Variants in CEP104 observed in about 807,000 individuals in gnomAD.
The protein encoded by CEP104 is centrosomal protein of 104 kDa.
In CEP104, 84 loss-of-function variants were observed where a neutral mutation model predicts 113.3. The ratio of observed to expected loss-of-function variants is 0.74; its 90% CI spans 0.62 to 0.89. The LOEUF (loss-of-function observed/expected upper bound fraction) is 0.89, where lower values mean the gene tolerates loss of function less well. Among genes scored for constraint, CEP104 ranks in the 40% least tolerant of loss-of-function variants. The pLI, the probability that CEP104 is intolerant of heterozygous loss-of-function variation, is 0.00. For missense variants in CEP104, 1,053 were observed against 1,156.6 expected, an observed-to-expected ratio of 0.91 and a Z score of 1.30; for synonymous variants, 378 against 421.7, an observed-to-expected ratio of 0.90 and a Z score of 1.27.
chr1:3,836,479 T>TTG lies in CEP104; in HGVS notation c.1317+15_1317+16insCA, dbSNP rs1553162958. The TTG allele has an allele frequency of 1.2e-5, 18 of 1,463,660 alleles. No individual in the cohort carries two copies. The highest frequency in any genetic ancestry group is 1.5e-5 in the Non-Finnish European group (17 of 1,112,894). The allele number at this position is 1,463,660 out of a possible 1,614,324, so 90.7% of individuals were successfully genotyped here. A position where few individuals can be genotyped will look rare whatever the true frequency, so the allele number is the denominator to read the frequency against. On this transcript the variant is annotated intron_variant, in intron 10 of 21. Coordinates refer to ENST00000378230, the MANE Select transcript of CEP104 (RefSeq NM_014704.4). ...CCCTCTGCCACCCCGTTTTTTTTTTTTTTTTTTTTTTTTACCAAGGTTTCT... is the reference window on the plus strand; with the variant it reads ...CCCTCTGCCACCCCGTTTTTTTTTTTTGTTTTTTTTTTTTTACCAAGGTTTCT...
At chr1:3,842,746 G>C (rs993095859) in intron 6 of CEP104, among the ~76,000 whole-genome samples, 1 of 152,224 alleles carries the variant, frequency 6.6e-6, no homozygotes, top group Non-Finnish European at 1.5e-5. Flanking sequence ...GCTGCTGTCA[G>C]AGAAGAGCCA....
intron 21 of CEP104, 136 bp downstream of exon 21, chr1:3,816,144 G>A (rs950308261): frequency 7.7e-5 from 54 of 697,776 alleles, no homozygotes; most frequent in Non-Finnish European, 1.0e-4. Flanking sequence ...ACCAGAACAT[G>A]AAGACAGGCT....
At chr1:3,832,066 CAT>C (rs149764404) in intron 12 of CEP104, among the ~76,000 whole-genome samples, 61 of 152,344 alleles carry the variant, frequency 4.0e-4, no homozygotes, top group African/African-American at 1.4e-3. Context: ...GGTTGTCTCA[CAT>C]AGAGAGAACA....
chr1:3,824,611 G>A (rs867195779), intron 18 of CEP104, among the ~76,000 whole-genome samples: 4 of 152,212 alleles, frequency 2.6e-5, no homozygotes, highest in African/African-American at 4.8e-5. Flanking sequence ...TCACATCCAC[G>A]TGTATAAAGA....
At chr1:3,837,203 C>A (rs1195152031) in intron 9 of CEP104, 89 bp downstream of exon 9, 3 of 1,086,836 alleles carry the variant, frequency 2.8e-6, no homozygotes, top group Non-Finnish European at 4.1e-6. Context: ...ACTCATGCAC[C>A]CCATGCATGG....
At chr1:3,855,979 C>A in intron 1 of CEP104, 4 of 982,912 alleles carry the variant, frequency 4.1e-6, no homozygotes, top group Non-Finnish European at 4.8e-6. Context: ...GCGGTCTCAT[C>A]CCTCACTACA....
intron 6 of CEP104, among the ~76,000 whole-genome samples, chr1:3,841,327 G>A (rs556525573): frequency 2.7e-5 from 4 of 149,938 alleles, no homozygotes; most frequent in Admixed American, 6.6e-5. Context: ...ACGGTACTTC[G>A]CTCACAGCAG....
At chr1:3,847,010 G>A (rs780459213) in intron 4 of CEP104, among the ~76,000 whole-genome samples, 2 of 152,212 alleles carry the variant, frequency 1.3e-5, no homozygotes, top group Non-Finnish European at 2.9e-5. Context: ...CCTTGTGCAC[G>A]TTGGGAGGGT....
At position 3,845,305 on chromosome 1, in the gene CEP104, C is replaced by T. The variant is rs778960306; in HGVS notation, c.473G>A (p.Ser158Asn). ...INIIGDPADF[S>N]DESNTASREK... ...CAAACTTACAGTATTGCTTTCATCA[C>T]TGAAATCTGCAGGGTCTCCAATGAT... Residue 158 changes from serine (S) to asparagine (N), a missense_variant, in exon 5 of 22, where the codon AGT (serine) becomes AAT (asparagine). Coordinates refer to ENST00000378230, the MANE Select transcript of CEP104 (RefSeq NM_014704.4). 1.9e-6 allele frequency: 3 copies of T among 1,607,666 alleles called. No homozygotes were observed. The African/African-American group carries it at 4.0e-5, about 22-fold the overall frequency.
intron 12 of CEP104, among the ~76,000 whole-genome samples, chr1:3,833,155 A>T (rs1644249771): frequency 1.3e-5 from 2 of 151,506 alleles, no homozygotes; most frequent in Admixed American, 6.6e-5. Context: ...TAATTTTTGG[A>T]TTTTTAGTAC....
chr1:3,847,437 TA>T (rs1434859468), intron 4 of CEP104, 37 bp downstream of exon 4: 3 of 1,527,312 alleles, frequency 2.0e-6, no homozygotes, highest in South Asian at 1.3e-5. Context: ...ACAAAGAAGG[TA>T]GGGGCAGAAT....
chr1:3,826,542 A>G lies in CEP104; in HGVS notation c.2189-106T>C, dbSNP rs945521000. The G allele has an allele frequency of 6.7e-6, 9 of 1,334,446 alleles. No homozygotes were observed. The Admixed American group carries it at 1.7e-4, about 25-fold the overall frequency. The allele number at this position is 1,334,446 out of a possible 1,614,324, so 82.7% of individuals were successfully genotyped here. On this transcript the variant is annotated intron_variant, in intron 16 of 21. Transcript: ENST00000378230. The stretch of plus-strand genomic sequence containing the variant: ...AAAACGATTATACAAGTAAAAAGGT[A>G]GCATGTTTTCCATTCAGCTGGGAGA...
chr1:3,820,209 AC>A (rs1331172242), intron 20 of CEP104, among the ~76,000 whole-genome samples: 1 of 152,164 alleles, frequency 6.6e-6, no homozygotes, highest in Non-Finnish European at 1.5e-5. Flanking sequence ...GATGTTGGGA[AC>A]AAGAAGGGAA....
intron 4 of CEP104, among the ~76,000 whole-genome samples, chr1:3,846,741 G>A (rs948802901): frequency 6.6e-6 from 1 of 152,164 alleles, no homozygotes; most frequent in Non-Finnish European, 1.5e-5. Flanking sequence ...CAGCTCACCC[G>A]CTTGGTCTAG....
chr1:3,818,523 G>A (rs953774844), intron 20 of CEP104, among the ~76,000 whole-genome samples: 7 of 152,100 alleles, frequency 4.6e-5, no homozygotes, highest in African/African-American at 9.7e-5. Flanking sequence ...GCTACTACCC[G>A]ACCTCTCTGT....
exon 1 of CEP104, chr1:3,857,208 CCCTGGG>C (rs1410049979): frequency 6.1e-6 from 1 of 163,646 alleles, no homozygotes; most frequent in African/African-American, 2.4e-5. Flanking sequence ...CCAAGCCCAG[CCCTGGG>C]CCAGGGCCTC....
chr1:3,823,198 A>G lies in CEP104; in HGVS notation c.2547T>C (p.His849=). 1 of 1,614,094 alleles carries G rather than the reference A, an allele frequency of 6.2e-7. No individual in the cohort carries two copies. The highest frequency in any genetic ancestry group is 8.5e-7 in the Non-Finnish European group (1 of 1,179,984). The change falls in exon 20 of 22, where the codon CAT becomes CAC. Residue 849 remains histidine (H), a synonymous_variant. Transcript: ENST00000378230. This position sits in a 1 kb window ranked among gnomAD's most constrained non-coding sequence, Gnocchi z 4.1. The part of the protein sequence containing the change: ...EKLANRCPLC[H]ENFSPGEEAW... ...CCTCTTCTCCAGGGCTGAAGTTCTC[A>G]TGACACAGGGGACACCGGTTTGCCA...
At position 3,823,789 on chromosome 1, in the gene CEP104, C is replaced by T. The variant is rs910063909; in HGVS notation, c.2365-227G>A. 1.1e-4 allele frequency among the ~76,000 whole-genome samples: 16 copies of T among 152,276 alleles called. No homozygotes were observed. Among genetic ancestry groups the T allele is most frequent in the Admixed American group, 6.5e-5 (1 of 15,296 alleles). On this transcript the variant is annotated intron_variant, in intron 18 of 21. Transcript: ENST00000378230. This position sits in a 1 kb window ranked among gnomAD's most constrained non-coding sequence, Gnocchi z 4.1. ...CCTTCCTTTCCTGTCATCTTAGCAT[C>T]GGGCAGGGGCCACTGTCAAGGATGG...
intron 8 of CEP104, among the ~76,000 whole-genome samples, chr1:3,838,345 C>A (rs1053005173): frequency 6.6e-6 from 1 of 152,110 alleles, no homozygotes; most frequent in Non-Finnish European, 1.5e-5. Context: ...GAGACAGGGT[C>A]TCTCTATGTT....
Sources: gnomAD v4.1 joint callset for allele counts (sites outside exome capture counted in the v4.1 genomes callset) on GRCh38, gnomAD v4.1.1 for gene constraint, Gnocchi (gnomAD v3.1) non-coding constraint, MANE v1.5 for transcripts, NCBI Gene and HGNC (gene_info 2026-07-23, HGNC 2026-07-21) for gene names.